The following TAFA4 variants were observed in gnomAD, a reference collection of about 807,000 sequenced individuals.
TAFA4 encodes chemokine-like protein TAFA-4.
Under a neutral mutation model 21.1 loss-of-function variants are expected in TAFA4, and 20 were observed. That is an observed-to-expected ratio of 0.95 (90% CI 0.67 to 1.38). The LOEUF (loss-of-function observed/expected upper bound fraction) is 1.38. TAFA4 is among the 40% of genes most tolerant of loss of function. The pLI is 0.00. For missense variants in TAFA4, 211 were observed against 180.9 expected, an observed-to-expected ratio of 1.17 and a Z score of -0.95; for synonymous variants, 71 against 67.4, an observed-to-expected ratio of 1.05 and a Z score of -0.26.
chr3:68,806,119 A>G (rs1703693192), intron 3 of TAFA4, among the ~76,000 whole-genome samples: 1 of 152,198 alleles, frequency 6.6e-6, no homozygotes, highest in South Asian at 2.1e-4. Flanking sequence ...ACACTGTAAA[A>G]AGCAATATGC....
chr3:68,826,742 T>A (rs1266037993), intron 3 of TAFA4, among the ~76,000 whole-genome samples: 1 of 151,986 alleles, frequency 6.6e-6, no homozygotes, highest in African/African-American at 2.4e-5. Flanking sequence ...TTATAAACAA[T>A]GGAAGGAGGC....
intron 1 of TAFA4, among the ~76,000 whole-genome samples, chr3:68,907,669 G>A (rs904743409): frequency 7.2e-5 from 11 of 152,156 alleles, no homozygotes; most frequent in Admixed American, 3.9e-4. Context: ...AAGGTACCAC[G>A]ATTGTCAGAG....
intron 1 of TAFA4, among the ~76,000 whole-genome samples, chr3:68,892,154 G>T (rs1376196892): frequency 1.3e-5 from 2 of 152,168 alleles, no homozygotes; most frequent in Non-Finnish European, 2.9e-5. Context: ...TTGTAATTTA[G>T]AGAGTATTCA....
intron 1 of TAFA4, among the ~76,000 whole-genome samples, chr3:68,931,634 G>C (rs2090158860): frequency 6.6e-6 from 1 of 152,152 alleles, no homozygotes; most frequent in Non-Finnish European, 1.5e-5. Flanking sequence ...GATGCCTCCC[G>C]CGGAAAGAGA....
intron 1 of TAFA4, among the ~76,000 whole-genome samples, chr3:68,922,170 A>G (rs554256103): frequency 1.3e-5 from 2 of 152,362 alleles, no homozygotes; most frequent in African/African-American, 2.4e-5. Flanking sequence ...TGAAAAATGT[A>G]TTGTGTAAGA....
chr3:68,810,307 G>A (rs1703805319), intron 3 of TAFA4, among the ~76,000 whole-genome samples: 1 of 152,144 alleles, frequency 6.6e-6, no homozygotes, highest in Admixed American at 6.5e-5. Context: ...TCTCACTGGG[G>A]AGTGTCGGAC....
chr3:68,844,221 C>T (rs192817282), intron 3 of TAFA4, among the ~76,000 whole-genome samples: 26 of 152,188 alleles, frequency 1.7e-4, no homozygotes, highest in South Asian at 4.2e-4. Context: ...TTCAGGGATT[C>T]GACTTCTTCC....
chr3:68,831,615 A>G (rs548499809), intron 3 of TAFA4, among the ~76,000 whole-genome samples: 42 of 151,768 alleles, frequency 2.8e-4, no homozygotes, highest in African/African-American at 9.2e-4. Context: ...TGCCCTTAAC[A>G]TTTTTTCCTT....
intron 3 of TAFA4, among the ~76,000 whole-genome samples, chr3:68,854,890 C>G (rs1424350903): frequency 2.6e-5 from 4 of 152,068 alleles, no homozygotes; most frequent in African/African-American, 7.2e-5. Context: ...AAAAATCAAT[C>G]ACAACTTCCC....
At chr3:68,924,828 T>C (rs1275489959) in intron 1 of TAFA4, among the ~76,000 whole-genome samples, 2 of 152,168 alleles carry the variant, frequency 1.3e-5, no homozygotes, top group East Asian at 3.8e-4. Flanking sequence ...CTAAGTAAGA[T>C]TTAATTCCAT....
chr3:68,861,323 C>T (rs2089341653), intron 3 of TAFA4, among the ~76,000 whole-genome samples: 1 of 151,880 alleles, frequency 6.6e-6, no homozygotes, highest in Non-Finnish European at 1.5e-5. Flanking sequence ...GAAAAACCTT[C>T]CCACTTGTAT....
intron 4 of TAFA4, among the ~76,000 whole-genome samples, chr3:68,742,334 T>TTA (rs1238752770): frequency 3.6e-4 from 55 of 152,050 alleles, no homozygotes; most frequent in South Asian, 1.0e-3. Flanking sequence ...GGTACTTAAA[T>TTA]TAGAAAGGAA....
In TAFA4 at chr3:68,885,172, T is replaced by C. The variant is rs2089658206; in HGVS notation, c.14+3A>G. On this transcript the variant is annotated splice_donor_region_variant and intron_variant, in intron 2 of 5. Transcript: ENST00000295569. ...GTCCAGGTGAACGTTAAAATAATCT[T>C]ACCTTGGGGACCTCATAAGATGTGG... The C allele has an allele frequency of 3.1e-6, 5 of 1,612,766 alleles. No individual in the cohort carries two copies. The highest frequency in any genetic ancestry group is 4.2e-6 in the Non-Finnish European group (5 of 1,179,408).
chr3:68,835,909 C>CT (rs1704512671), intron 3 of TAFA4, among the ~76,000 whole-genome samples: 1 of 152,206 alleles, frequency 6.6e-6, no homozygotes, highest in African/African-American at 2.4e-5. Flanking sequence ...ACATATCCCT[C>CT]TTTAAAATTA....
At chr3:68,787,677 T>C (rs1285107040) in intron 3 of TAFA4, among the ~76,000 whole-genome samples, 1 of 152,214 alleles carries the variant, frequency 6.6e-6, no homozygotes, top group Non-Finnish European at 1.5e-5. Context: ...AATAAAATTA[T>C]TTTATCCTAG....
chr3:68,922,220 G>A (rs150217260), intron 1 of TAFA4, among the ~76,000 whole-genome samples: 11 of 152,200 alleles, frequency 7.2e-5, no homozygotes, highest in Admixed American at 3.9e-4. Flanking sequence ...TGGAAGCATC[G>A]GCACCTCATG....
intron 3 of TAFA4, among the ~76,000 whole-genome samples, chr3:68,831,124 A>G (rs1474276466): frequency 1.3e-5 from 2 of 152,112 alleles, no homozygotes; most frequent in South Asian, 2.1e-4. Flanking sequence ...CACACCAATG[A>G]GTCTTGACTC....
chr3:68,828,020 C>A (rs1017113858), intron 3 of TAFA4, among the ~76,000 whole-genome samples: 3 of 152,066 alleles, frequency 2.0e-5, no homozygotes, highest in Non-Finnish European at 4.4e-5. Context: ...TTTAGGTCTT[C>A]CATTTAAGTC....
intron 5 of TAFA4, among the ~76,000 whole-genome samples, chr3:68,738,860 T>C (rs113109728): frequency 1.3e-5 from 2 of 152,308 alleles, no homozygotes; most frequent in East Asian, 1.9e-4. Flanking sequence ...CCTAAAATAA[T>C]GAATTCTCCC....
Sources: allele counts gnomAD v4.1 joint callset (sites outside exome capture counted in the v4.1 genomes callset), GRCh38; gene constraint gnomAD v4.1.1; transcripts MANE v1.5; gene names NCBI Gene and HGNC (gene_info 2026-07-23, HGNC 2026-07-21).